Variants in NFIB observed in about 807,000 individuals in gnomAD.
NFIB encodes nuclear factor 1 B-type.
Under a neutral mutation model 61.5 loss-of-function variants are expected in NFIB, and 11 were observed. The ratio of observed to expected loss-of-function variants is 0.18; its 90% confidence interval spans 0.11 to 0.30. The LOEUF is 0.30. NFIB is among the 10% of genes least tolerant of loss of function. NFIB has a pLI of 1.00. For synonymous variants in NFIB, 260 were observed against 216.5 expected (o/e 1.20, Z -1.76); for missense variants, 471 against 608.9 (o/e 0.77, Z 2.38).
At chr9:14,123,466 T>C (rs2039208468) in intron 7 of NFIB, among the ~76,000 whole-genome samples, 1 of 152,204 alleles carries the variant, frequency 6.6e-6, no homozygotes, top group Non-Finnish European at 1.5e-5. Flanking sequence ...ATTATAATCA[T>C]GTAACTTCTC....
intron 1 of NFIB, among the ~76,000 whole-genome samples, chr9:14,379,807 C>T (rs568108250): frequency 2.6e-5 from 4 of 152,134 alleles, no homozygotes; most frequent in East Asian, 1.9e-4. Context: ...CTCAGCCTCC[C>T]GAGTAGCTGG....
chr9:14,394,314 A>G (rs1011203734), intron 1 of NFIB, among the ~76,000 whole-genome samples: 3 of 152,208 alleles, frequency 2.0e-5, no homozygotes, highest in Admixed American at 6.5e-5. Context: ...ACAAACAAAC[A>G]AATCCCAATT....
At chr9:14,140,751 T>C (rs540410745) in intron 6 of NFIB, among the ~76,000 whole-genome samples, 143 of 150,892 alleles carry the variant, frequency 9.5e-4, no homozygotes, top group Middle Eastern at 3.5e-3. Flanking sequence ...ATGGGTAACA[T>C]AGTGAGACCC....
At chr9:14,163,888 A>AC (rs1427893039) in intron 3 of NFIB, among the ~76,000 whole-genome samples, 40 of 152,008 alleles carry the variant, frequency 2.6e-4, no homozygotes, top group Middle Eastern at 3.4e-3. Context: ...AAAGTAAATA[A>AC]TAAAAAAATG....
At chr9:14,401,488 C>A (rs1170705354), upstream of NFIB, among the ~76,000 whole-genome samples, 1 of 152,210 alleles carries the variant, frequency 6.6e-6, no homozygotes, top group Non-Finnish European at 1.5e-5. Context: ...CAGCGTCTAT[C>A]TTACTCAAGT....
chr9:14,365,550 T>C (rs1020329272), intron 1 of NFIB, among the ~76,000 whole-genome samples: 4 of 152,352 alleles, frequency 2.6e-5, no homozygotes, highest in Non-Finnish European at 5.9e-5. Flanking sequence ...ATGACAGTTG[T>C]AAAATCTTAG....
the NFIB span, among the ~76,000 whole-genome samples, chr9:14,464,033 T>A: frequency 7.2e-5 from 11 of 152,144 alleles, no homozygotes; most frequent in African/African-American, 2.7e-4. Flanking sequence ...TTTTTACAGT[T>A]GGAAATTCTG....
chr9:14,114,103 G>A (rs1187539816), intron 9 of NFIB, among the ~76,000 whole-genome samples: 1 of 152,112 alleles, frequency 6.6e-6, no homozygotes, highest in Admixed American at 6.5e-5. Flanking sequence ...TAAATGAACT[G>A]GCTTTCTAAA....
chr9:14,487,334 TC>T, the NFIB span, among the ~76,000 whole-genome samples: 1 of 152,230 alleles, frequency 6.6e-6, no homozygotes, highest in Non-Finnish European at 1.5e-5. Flanking sequence ...TCAGTTTGCA[TC>T]CTGGTTACCC....
intron 8 of NFIB, among the ~76,000 whole-genome samples, chr9:14,118,743 T>G (rs1360032703): frequency 6.6e-6 from 1 of 151,476 alleles, no homozygotes; most frequent in East Asian, 1.9e-4. Context: ...TCCTGAGAGT[T>G]TTTTTGTTGC....
At chr9:14,191,752 G>A (rs2047973016) in intron 2 of NFIB, among the ~76,000 whole-genome samples, 1 of 152,068 alleles carries the variant, frequency 6.6e-6, no homozygotes, top group African/African-American at 2.4e-5. Flanking sequence ...TTTTAACACA[G>A]ACCAACTTCA....
At chr9:14,151,998 C>T (rs76865327) in intron 4 of NFIB, among the ~76,000 whole-genome samples, 4,429 of 152,048 alleles carry the variant, frequency 0.029, 128 homozygotes, top group African/African-American at 0.078. Flanking sequence ...GTGTTCACTA[C>T]CCTTTGAATT....
intron 2 of NFIB, among the ~76,000 whole-genome samples, chr9:14,244,098 TG>T (rs775813669): frequency 2.6e-5 from 4 of 152,182 alleles, no homozygotes; most frequent in Non-Finnish European, 5.9e-5. Context: ...TCCATAAGGG[TG>T]TAGCAATTAT....
At chr9:14,220,878 C>CACACACACAA (rs1277000436) in intron 2 of NFIB, among the ~76,000 whole-genome samples, 2 of 151,200 alleles carry the variant, frequency 1.3e-5, no homozygotes, top group African/African-American at 4.9e-5. Flanking sequence ...CACACACACA[C>CACACACACAA]ACACACACCA....
At chr9:14,132,675 C>T (rs971655074) in intron 6 of NFIB, among the ~76,000 whole-genome samples, 5 of 152,078 alleles carry the variant, frequency 3.3e-5, no homozygotes, top group African/African-American at 7.2e-5. Flanking sequence ...TCAAGCGATC[C>T]TCCCATCTCA....
At chr9:14,150,338 G>T in intron 4 of NFIB, 73 bp from the exon 5 acceptor site, 1 of 1,599,348 alleles carries the variant, frequency 6.3e-7, no homozygotes, top group Non-Finnish European at 8.5e-7. Context: ...TAATAATCGA[G>T]AATCTTTCAT....
the NFIB span, among the ~76,000 whole-genome samples, chr9:14,512,512 G>C: frequency 1.3e-5 from 2 of 151,624 alleles, no homozygotes; most frequent in Non-Finnish European, 2.9e-5. Context: ...TGATTATATG[G>C]GTTTTTTTCT....
the NFIB span, among the ~76,000 whole-genome samples, chr9:14,439,059 T>A: frequency 4.6e-5 from 7 of 152,330 alleles, no homozygotes; most frequent in East Asian, 1.4e-3. Context: ...AACCAATCCC[T>A]GTGGAGCTAC....
Position 14,193,161 on chromosome 9 carries a change from G to C in NFIB, c.563-13381C>G, listed in dbSNP as rs555432105. ...AAGGCAACTAGATGCTCAATGCCAT[G>C]TTCTAAATATATCTCTTCCAGGAGG... On this transcript the variant is annotated intron_variant, in intron 2 of 10. Transcript: ENST00000380953. Among the ~76,000 whole-genome samples the C allele has an allele frequency of 3.5e-4, 53 of 150,700 alleles. 1 individual carries two copies. Among genetic ancestry groups the C allele is most frequent in the African/African-American group, 1.3e-3 (53 of 40,968 alleles).
Sources: gnomAD v4.1 joint callset for allele counts (sites outside exome capture counted in the v4.1 genomes callset) on GRCh38, gnomAD v4.1.1 for gene constraint, MANE v1.5 for transcripts, NCBI Gene and HGNC (gene_info 2026-07-23, HGNC 2026-07-21) for gene names.